The following STK38L variants were observed in gnomAD, a reference collection of about 807,000 sequenced individuals.
The protein encoded by STK38L is serine/threonine-protein kinase 38-like.
A neutral mutation model predicts 59.7 loss-of-function variants in STK38L; 28 were observed. The observed-to-expected ratio is 0.47, with a 90% CI of 0.35 to 0.64. The LOEUF (loss-of-function observed/expected upper bound fraction) is 0.64, where lower values mean the gene tolerates loss of function less well. STK38L is among the 30% of genes least tolerant of loss of function. The probability of loss-of-function intolerance (pLI) is 0.01; values close to 1 mark genes in which losing one functional copy is unlikely to be tolerated. For synonymous variants in STK38L, 162 were observed against 176.8 expected (o/e 0.92, Z 0.66); for missense variants, 314 against 555.8 (o/e 0.56, Z 4.37).
chr12:27,248,880 A>C (rs915895811), intron 1 of STK38L, among the ~76,000 whole-genome samples: 19 of 152,224 alleles, frequency 1.2e-4, no homozygotes, highest in Admixed American at 9.8e-4. Context: ...CATACCTTAA[A>C]TTAATAGTGA....
intron 1 of STK38L, chr12:27,297,188 A>G (rs1944045192): frequency 6.5e-6 from 1 of 152,674 alleles, no homozygotes; most frequent in Non-Finnish European, 1.5e-5. Context: ...GTTTCCCCCT[A>G]CAATATACGT....
Position 27,325,271 on chromosome 12 carries a change from A to T in STK38L, c.*2816A>T, listed in dbSNP as rs1944814473. 6.6e-6 allele frequency: 1 copy of T among 152,166 alleles called. No homozygotes were observed. Among genetic ancestry groups the T allele is most frequent in the African/African-American group, 2.4e-5 (1 of 41,458 alleles). The allele number at this position is 152,166 out of a possible 1,614,324, so 9.4% of individuals were successfully genotyped here. On this transcript the variant is annotated 3_prime_UTR_variant, in exon 14 of 14. Coordinates refer to ENST00000389032, the MANE Select transcript of STK38L (RefSeq NM_015000.4). ...AATGGAAAATAAGTGTGGAGTATTA[A>T]AAATGTTCTTTGGTTGGTAAGGCCT...
chr12:27,317,266 AG>A, intron 9 of STK38L, 69 bp from the exon 10 acceptor site: 3 of 1,128,342 alleles, frequency 2.7e-6, no homozygotes, highest in Non-Finnish European at 3.9e-6. Flanking sequence ...TTTTTCCAGT[AG>A]TAAGCCATCC....
intron 3 of STK38L, among the ~76,000 whole-genome samples, chr12:27,302,664 C>T (rs564206964): frequency 6.6e-6 from 1 of 152,106 alleles, no homozygotes; most frequent in South Asian, 2.1e-4. Flanking sequence ...GATCATCTTA[C>T]TCTTTTGCTT....
In STK38L at chr12:27,325,512, A is replaced by G. The variant is rs1415920438; in HGVS notation, c.*3057A>G. ...AATAAATGAATTGAGAATTTAGTCC[A>G]TAGAGGTCCCTGGCTACCAAACACA... On this transcript the variant is annotated 3_prime_UTR_variant, in exon 14 of 14. Transcript: ENST00000389032. 2 of 152,176 alleles carry G rather than the reference A, an allele frequency of 1.3e-5. No individual in the cohort carries two copies. Among genetic ancestry groups the G allele is most frequent in the East Asian group, 3.8e-4 (2 of 5,202 alleles). The allele number at this position is 152,176 out of a possible 1,614,324, so 9.4% of individuals were successfully genotyped here. A position where few individuals can be genotyped will look rare whatever the true frequency, so the allele number is the denominator to read the frequency against.
intron 1 of STK38L, among the ~76,000 whole-genome samples, chr12:27,288,485 G>C (rs997630099): frequency 6.6e-6 from 1 of 151,808 alleles, no homozygotes; most frequent in Non-Finnish European, 1.5e-5. Context: ...GATCCTTCTG[G>C]GTGCACTAGC....
In STK38L at chr12:27,315,330, A is replaced by T. The variant is rs1224542455; in HGVS notation, c.817A>T (p.Lys273Ter). 6.2e-7 allele frequency: 1 copy of T among 1,613,646 alleles called. No individual in the cohort carries two copies. Among genetic ancestry groups the T allele is most frequent in the Non-Finnish European group, 8.5e-7 (1 of 1,179,842 alleles). ...MNSKRKAETW[K>*]KNRRQLAYST... ...CTCAAAGAGGAAAGCAGAAACTTGG[A>T]AGAAGAACAGGAGACAACTGGTGAG... The change falls in exon 9 of 14, where the codon AAG becomes TAG. Residue 273 changes from lysine (K) to a stop codon, truncating the protein, a stop_gained. Coordinates refer to ENST00000389032, the MANE Select transcript of STK38L (RefSeq NM_015000.4). LOFTEE classifies it high-confidence loss of function.
At chr12:27,250,831 T>C (rs1223530970) in intron 1 of STK38L, among the ~76,000 whole-genome samples, 8 of 151,774 alleles carry the variant, frequency 5.3e-5, no homozygotes, top group Non-Finnish European at 1.2e-4. Flanking sequence ...AAACCTCGTC[T>C]CTACTAAAAA....
In STK38L at chr12:27,317,906, T is replaced by C; in HGVS notation, c.966T>C (p.Pro322=). The change falls in exon 11 of 14, where the codon CCT becomes CCC. Residue 322 remains proline, a synonymous_variant. Coordinates refer to ENST00000389032, the MANE Select transcript of STK38L (RefSeq NM_015000.4). ...IMYEMLIGYP[P]FCSETPQETY... is the part of the protein sequence containing the mutation. ...TTATTTGATACATAGGATATCCACC[T>C]TTCTGCTCTGAAACACCTCAAGAAA... 1 of 1,613,730 alleles carries C rather than the reference T, an allele frequency of 6.2e-7. No homozygotes were observed. Among genetic ancestry groups the C allele is most frequent in the Non-Finnish European group, 8.5e-7 (1 of 1,179,842 alleles).
chr12:27,312,375 T>G (rs1944476183), intron 5 of STK38L, among the ~76,000 whole-genome samples, 174 bp from the exon 6 acceptor site: 1 of 152,226 alleles, frequency 6.6e-6, no homozygotes, highest in East Asian at 1.9e-4. Context: ...TAAAATAAAC[T>G]ATTTCTTGAG....
chr12:27,268,572 T>C (rs1385664735), intron 1 of STK38L, among the ~76,000 whole-genome samples: 2 of 152,250 alleles, frequency 1.3e-5, no homozygotes, highest in Non-Finnish European at 2.9e-5. Context: ...AGTGCCACAA[T>C]AAACATACGT....
intron 1 of STK38L, among the ~76,000 whole-genome samples, chr12:27,246,285 A>G (rs569173259): frequency 3.3e-5 from 5 of 152,282 alleles, no homozygotes; most frequent in Admixed American, 2.6e-4. Context: ...AACGCACCTT[A>G]GAAAGTGCCT....
rs1305029046 is a variant in STK38L, at chr12:27,308,004, T to TA, written c.187-330dup. On this transcript the variant is annotated intron_variant, in intron 3 of 13. Coordinates refer to ENST00000389032, the MANE Select transcript of STK38L (RefSeq NM_015000.4). The surrounding 1 kb of genome is among the most constrained non-coding windows in gnomAD (Gnocchi z 4.5). ...AAGCAAAGCAGATTTCCTGACAGAA[T>TA]AAAAATCAGTATCAGAATACCATTA... Among the ~76,000 whole-genome samples the TA allele has an allele frequency of 1.3e-5, 2 of 152,054 alleles. No individual in the cohort carries two copies. The highest frequency in any genetic ancestry group is 2.9e-5 in the Non-Finnish European group (2 of 67,994).
intron 1 of STK38L, among the ~76,000 whole-genome samples, chr12:27,280,072 G>GAAGT (rs1943621113): frequency 6.6e-6 from 1 of 152,150 alleles, no homozygotes; most frequent in Non-Finnish European, 1.5e-5. Context: ...AGCTAACACA[G>GAAGT]AAGTGTTTGA....
chr12:27,311,255 C>T (rs754085075), intron 5 of STK38L, among the ~76,000 whole-genome samples: 3 of 152,206 alleles, frequency 2.0e-5, no homozygotes, highest in Non-Finnish European at 1.5e-5. Context: ...CCACTTTTCA[C>T]TTAATGAAAC....
At chr12:27,255,921 CTT>C (rs1159769837) in intron 1 of STK38L, among the ~76,000 whole-genome samples, 1 of 152,216 alleles carries the variant, frequency 6.6e-6, no homozygotes, top group African/African-American at 2.4e-5. Flanking sequence ...CCAGAGCTGA[CTT>C]TATCTTCTCC....
intron 9 of STK38L, 67 bp downstream of exon 9, chr12:27,315,417 A>G (rs1174475966): frequency 2.4e-6 from 3 of 1,258,440 alleles, no homozygotes; most frequent in Non-Finnish European, 3.4e-6. Flanking sequence ...TTTTAACTTG[A>G]TTATTTTTAT....
chr12:27,252,713 A>G (rs1490359624), intron 1 of STK38L, among the ~76,000 whole-genome samples: 1 of 152,166 alleles, frequency 6.6e-6, no homozygotes, highest in Non-Finnish European at 1.5e-5. Context: ...GACTTTTTCT[A>G]TTTTTGTGGC....
chr12:27,306,752 C>CACACACACACAT (rs1491536388), intron 3 of STK38L, among the ~76,000 whole-genome samples: 9 of 139,636 alleles, frequency 6.4e-5, no homozygotes, highest in Non-Finnish European at 1.1e-4. Flanking sequence ...CACACACACA[C>CACACACACACAT]ATATATTTGA....
Sources: gnomAD v4.1 joint callset for allele counts (sites outside exome capture counted in the v4.1 genomes callset) on GRCh38, gnomAD v4.1.1 for gene constraint, Gnocchi (gnomAD v3.1) non-coding constraint, MANE v1.5 for transcripts, NCBI Gene and HGNC (gene_info 2026-07-23, HGNC 2026-07-21) for gene names.